The following MBNL1 variants were observed in gnomAD, a reference collection of about 807,000 sequenced individuals.
MBNL1 encodes the protein muscleblind-like protein 1.
A neutral mutation model predicts 42.2 loss-of-function variants in MBNL1; 8 were observed. The ratio of observed to expected loss-of-function variants is 0.19; its 90% CI spans 0.11 to 0.34. The LOEUF (loss-of-function observed/expected upper bound fraction) is 0.34, where lower values mean the gene tolerates loss of function less well. Among genes scored for constraint, MBNL1 ranks in the 10% least tolerant of loss-of-function variants. MBNL1 has a pLI of 1.00. For synonymous variants in MBNL1, 169 were observed against 173.9 expected, an observed-to-expected ratio of 0.97 and a Z score of 0.22; for missense variants, 309 against 495.3, an observed-to-expected ratio of 0.62 and a Z score of 3.57.
chr3:152,365,311 T>TA (rs2096285060), intron 2 of MBNL1, among the ~76,000 whole-genome samples: 2 of 152,262 alleles, frequency 1.3e-5, no homozygotes, highest in South Asian at 4.1e-4. Flanking sequence ...TGTGAATAGT[T>TA]ACCACATGAC....
intron 2 of MBNL1, among the ~76,000 whole-genome samples, chr3:152,330,031 A>G (rs910339057): frequency 1.3e-5 from 2 of 152,014 alleles, no homozygotes; most frequent in Non-Finnish European, 2.9e-5. Context: ...GTGTATGTTC[A>G]TGTGTGTGTA....
chr3:152,418,157 T>G (rs534539686), intron 3 of MBNL1, among the ~76,000 whole-genome samples: 5 of 152,338 alleles, frequency 3.3e-5, no homozygotes, highest in African/African-American at 1.2e-4. Flanking sequence ...TTTTTGTATA[T>G]TAAATCCTCA....
chr3:152,444,417 G>GCTAC (rs1480454311), intron 4 of MBNL1, among the ~76,000 whole-genome samples: 1 of 152,024 alleles, frequency 6.6e-6, no homozygotes, highest in African/African-American at 2.4e-5. Context: ...GCTTTATATA[G>GCTAC]CTACCAAGTG....
chr3:152,424,939 T>C (rs2098891901), intron 3 of MBNL1, among the ~76,000 whole-genome samples: 1 of 152,178 alleles, frequency 6.6e-6, no homozygotes, highest in African/African-American at 2.4e-5. Flanking sequence ...AAGACTTAAA[T>C]GTAAGACCCA....
rs1380121168 is a variant in MBNL1, at chr3:152,409,052, ATACTTCGTGTTAGATGCAGTTATTTTCAG to A, written c.175-5883_175-5855del. 2.0e-5 allele frequency among the ~76,000 whole-genome samples: 3 copies of A among 152,344 alleles called. No individual in the cohort carries two copies. In the East Asian group the frequency reaches 5.8e-4, roughly 29 times the overall value. ...GAAATATACATTTAAGAGCAACAATATACTTCGTGTTAGATGCAGTTATTTTCAGTACTTGCAAAAGCCAGTAAACTGTG... is the reference window on the plus strand; with the variant it reads ...GAAATATACATTTAAGAGCAACAATATACTTGCAAAAGCCAGTAAACTGTG... On this transcript the variant is annotated intron_variant, in intron 2 of 9. Coordinates refer to ENST00000324210, the MANE Select transcript of MBNL1 (RefSeq NM_021038.5).
At chr3:152,385,566 G>A (rs2153436040) in intron 2 of MBNL1, among the ~76,000 whole-genome samples, 1 of 151,882 alleles carries the variant, frequency 6.6e-6, no homozygotes, top group African/African-American at 2.4e-5. Flanking sequence ...TTTACATGTT[G>A]GGTAACTCTA....
chr3:152,278,051 A>C (rs534521518), intron 1 of MBNL1, among the ~76,000 whole-genome samples: 1 of 152,126 alleles, frequency 6.6e-6, no homozygotes, highest in South Asian at 2.1e-4. Context: ...GCCTTGTGCT[A>C]TACAGTATGG....
intron 1 of MBNL1, among the ~76,000 whole-genome samples, chr3:152,284,119 A>G (rs1443130045): frequency 6.6e-6 from 1 of 152,134 alleles, no homozygotes; most frequent in Non-Finnish European, 1.5e-5. Flanking sequence ...TAATCAATAC[A>G]CATATTTTAT....
rs570460385 is a variant in MBNL1 at position 152,315,775 on chromosome 3, G to A, written c.174+15408G>A. ...TTATTTCCCATCAGCTCCAAAGTAG[G>A]AGCCAAACCAAAGTTTAAAGAAACG... is the stretch of plus-strand genomic sequence containing the variant. On this transcript the variant is annotated intron_variant, in intron 2 of 9. Coordinates refer to ENST00000324210, the MANE Select transcript of MBNL1 (RefSeq NM_021038.5). 1.5e-4 allele frequency among the ~76,000 whole-genome samples: 23 copies of A among 152,168 alleles called. No homozygotes were observed. The South Asian group carries it at 4.6e-3, about 30-fold the overall frequency.
chr3:152,341,505 C>CA (rs1422735184), intron 2 of MBNL1, among the ~76,000 whole-genome samples: 1 of 152,182 alleles, frequency 6.6e-6, no homozygotes, highest in East Asian at 1.9e-4. Context: ...GTCTCAATCG[C>CA]AGTCATAATT....
upstream of MBNL1, chr3:152,267,303 AAATCCTCCAGG>A (rs1423008563): frequency 2.6e-5 from 4 of 152,556 alleles, no homozygotes; most frequent in African/African-American, 9.6e-5. Context: ...AGTTAAATGT[AAATCCTCCAGG>A]AACCCTTCCT....
At chr3:152,400,922 A>C (rs1222735565) in intron 2 of MBNL1, among the ~76,000 whole-genome samples, 1 of 152,232 alleles carries the variant, frequency 6.6e-6, no homozygotes, top group Admixed American at 6.5e-5. Flanking sequence ...AATGTGTATT[A>C]GTATATGTAA....
intron 2 of MBNL1, among the ~76,000 whole-genome samples, chr3:152,407,802 A>T (rs2098469429): frequency 6.6e-6 from 1 of 152,220 alleles, no homozygotes; most frequent in Non-Finnish European, 1.5e-5. Flanking sequence ...TGCAGCCATA[A>T]AAAGAAACAT....
At chr3:152,338,140 C>A in intron 2 of MBNL1, 1 of 985,060 alleles carries the variant, frequency 1.0e-6, no homozygotes, top group Non-Finnish European at 1.2e-6. Flanking sequence ...ATACCCACTT[C>A]ATCCGTGTTT....
chr3:152,444,463 A>G (rs1012321293), intron 4 of MBNL1, among the ~76,000 whole-genome samples: 3 of 152,184 alleles, frequency 2.0e-5, no homozygotes, highest in Non-Finnish European at 4.4e-5. Flanking sequence ...TCCTGGAAAC[A>G]TTTTCATAAA....
At chr3:152,347,298 A>G (rs1261479598) in intron 2 of MBNL1, among the ~76,000 whole-genome samples, 4 of 152,220 alleles carry the variant, frequency 2.6e-5, no homozygotes, top group South Asian at 2.1e-4. Flanking sequence ...AATATTTTCC[A>G]TGAGTTGAAA....
At chr3:152,279,327 C>T (rs1271233216) in intron 1 of MBNL1, among the ~76,000 whole-genome samples, 1 of 152,102 alleles carries the variant, frequency 6.6e-6, no homozygotes, top group African/African-American at 2.4e-5. Flanking sequence ...ATCAGCCGAA[C>T]TGAACAGAAG....
chr3:152,319,116 TATG>T (rs1411667523), intron 2 of MBNL1, among the ~76,000 whole-genome samples: 1 of 152,176 alleles, frequency 6.6e-6, no homozygotes, highest in Admixed American at 6.6e-5. Context: ...GCTTTTAAAA[TATG>T]ATAACAAAAA....
chr3:152,361,513 T>C (rs1365808254), intron 2 of MBNL1, among the ~76,000 whole-genome samples: 2 of 150,362 alleles, frequency 1.3e-5, no homozygotes, highest in African/African-American at 4.9e-5. Context: ...CAGAAACTGG[T>C]GGCGGTTTAA....
Sources: gnomAD v4.1 joint callset for allele counts (sites outside exome capture counted in the v4.1 genomes callset) on GRCh38, gnomAD v4.1.1 for gene constraint, MANE v1.5 for transcripts, NCBI Gene and HGNC (gene_info 2026-07-23, HGNC 2026-07-21) for gene names.